SLX4IP: variants seen among roughly 807,000 people sequenced by gnomAD.
SLX4IP encodes protein SLX4IP.
Under a neutral mutation model 32.9 loss-of-function variants are expected in SLX4IP, and 34 were observed. The ratio of observed to expected loss-of-function variants is 1.03; its 90% CI spans 0.79 to 1.38. SLX4IP has a LOEUF of 1.38. Among genes scored for constraint, SLX4IP ranks in the 40% most tolerant of loss-of-function variants. The pLI, the probability that SLX4IP is intolerant of heterozygous loss-of-function variation, is 0.00. For synonymous variants in SLX4IP, 172 were observed against 171.7 expected (o/e 1.00, Z -0.01); for missense variants, 444 against 479.0 (o/e 0.93, Z 0.68).
intron 2 of SLX4IP, among the ~76,000 whole-genome samples, chr20:10,462,477 A>T (rs1275431856): frequency 6.6e-6 from 1 of 152,262 alleles, no homozygotes. Flanking sequence ...CACCCTTCTC[A>T]ACAGCAATAA....
intron 1 of SLX4IP, among the ~76,000 whole-genome samples, chr20:10,457,498 A>G (rs2065295174): frequency 6.7e-6 from 1 of 149,236 alleles, no homozygotes; most frequent in Non-Finnish European, 1.5e-5. Flanking sequence ...CTATTAATAG[A>G]GTGTATTATA....
At chr20:10,615,931 T>G (rs1176984767) in intron 6 of SLX4IP, among the ~76,000 whole-genome samples, 9 of 152,116 alleles carry the variant, frequency 5.9e-5, no homozygotes, top group Non-Finnish European at 1.2e-4. Flanking sequence ...GGTGGAGCCC[T>G]CATGGCCTAA....
chr20:10,490,028 C>G (rs2065608310), intron 2 of SLX4IP, among the ~76,000 whole-genome samples: 1 of 152,062 alleles, frequency 6.6e-6, no homozygotes, highest in Non-Finnish European at 1.5e-5. Flanking sequence ...GTGTTAATAT[C>G]TAATTCTAAG....
In SLX4IP at chr20:10,518,416, C is replaced by T. The variant is rs1459483837; in HGVS notation, c.28-37815C>T. ...CTTTCTTTCTTTCTTTCCTTCCTTC[C>T]TTCCTTCCCTCCCTCCCTCCTTCTT... On this transcript the variant is annotated intron_variant, in intron 2 of 7. Coordinates refer to ENST00000334534, the MANE Select transcript of SLX4IP (RefSeq NM_001009608.3). Among the ~76,000 whole-genome samples, 5 of 114,328 alleles carry T rather than the reference C, an allele frequency of 4.4e-5. No homozygotes were observed. The South Asian group carries it at 1.9e-3, about 43-fold the overall frequency. The allele number at this position is 114,328 out of a possible 152,430, so 75.0% of individuals were successfully genotyped here.
At chr20:10,453,308 G>A (rs73896558) in intron 1 of SLX4IP, among the ~76,000 whole-genome samples, 682 of 46,992 alleles carry the variant, frequency 0.015, 7 homozygotes, top group African/African-American at 0.039. Flanking sequence ...AAACTCATCC[G>A]TGTGTGTGTG....
chr20:10,624,201 C>T lies in SLX4IP; in HGVS notation c.*822C>T, dbSNP rs1156807981. The T allele has an allele frequency of 6.6e-6, 1 of 152,214 alleles. No individual in the cohort carries two copies. Among genetic ancestry groups the T allele is most frequent in the Non-Finnish European group, 1.5e-5 (1 of 68,052 alleles). The allele number at this position is 152,214 out of a possible 1,614,324, so 9.4% of individuals were successfully genotyped here. On this transcript the variant is annotated 3_prime_UTR_variant, in exon 8 of 8. Coordinates refer to ENST00000334534, the MANE Select transcript of SLX4IP (RefSeq NM_001009608.3). Reference sequence around the variant, plus strand: ...TGTTGAAGTCGATGGGCGATTCTGCCCAACCTTAGGAGAAGACATCAGAGA... The same window carrying T: ...TGTTGAAGTCGATGGGCGATTCTGCTCAACCTTAGGAGAAGACATCAGAGA...
intron 4 of SLX4IP, among the ~76,000 whole-genome samples, chr20:10,571,990 A>G (rs1053738721): frequency 2.3e-4 from 35 of 151,622 alleles, no homozygotes; most frequent in Admixed American, 8.6e-4. Context: ...GCCCCACCCC[A>G]CCCCAGGTCT....
At chr20:10,518,367 CT>C (rs773025378) in intron 2 of SLX4IP, among the ~76,000 whole-genome samples, 24,208 of 148,122 alleles carry the variant, frequency 0.16, 3,240 homozygotes, top group Non-Finnish European at 0.22. Flanking sequence ...TTCTTTCTTT[CT>C]CTCTCTCTTT....
intron 2 of SLX4IP, among the ~76,000 whole-genome samples, chr20:10,491,653 CTTATGTG>C (rs2065625156): frequency 6.6e-6 from 1 of 152,052 alleles, no homozygotes; most frequent in Non-Finnish European, 1.5e-5. Flanking sequence ...AATCTTTAAA[CTTATGTG>C]TTATGTAATA....
chr20:10,575,917 G>A (rs2066518430), intron 4 of SLX4IP, among the ~76,000 whole-genome samples: 1 of 152,124 alleles, frequency 6.6e-6, no homozygotes, highest in African/African-American at 2.4e-5. Context: ...AGAGCCCTTT[G>A]ATTTTGAAGT....
chr20:10,441,334 G>T (rs1183777727), intron 1 of SLX4IP, among the ~76,000 whole-genome samples: 1 of 152,146 alleles, frequency 6.6e-6, no homozygotes, highest in African/African-American at 2.4e-5. Flanking sequence ...TACTCGGAAG[G>T]CTGAGGCAGG....
chr20:10,611,516 G>A (rs2066966098), intron 6 of SLX4IP, among the ~76,000 whole-genome samples: 1 of 152,198 alleles, frequency 6.6e-6, no homozygotes, highest in African/African-American at 2.4e-5. Flanking sequence ...GGCAGCCTCA[G>A]GTCCATATCC....
chr20:10,532,676 AGAT>A (rs2065999884), intron 2 of SLX4IP, among the ~76,000 whole-genome samples: 1 of 152,164 alleles, frequency 6.6e-6, no homozygotes, highest in South Asian at 2.1e-4. Context: ...CCCCTCTCCA[AGAT>A]GGGTGCATAT....
intron 2 of SLX4IP, among the ~76,000 whole-genome samples, chr20:10,529,590 C>CAAAAAAAAAAAAAAAAAAAA (rs71334410): frequency 1.9e-5 from 1 of 53,642 alleles, no homozygotes; most frequent in Non-Finnish European, 3.2e-5. Flanking sequence ...GACTCCATCT[C>CAAAAAAAAAAAAAAAAAAAA]AAAAAAAAAA....
At chr20:10,477,150 C>A (rs1469390094) in intron 2 of SLX4IP, among the ~76,000 whole-genome samples, 1 of 150,858 alleles carries the variant, frequency 6.6e-6, no homozygotes, top group African/African-American at 2.4e-5. Flanking sequence ...GATTTCTGAC[C>A]TGACTGTGAA....
chr20:10,458,340 G>A, intron 2 of SLX4IP, 109 bp downstream of exon 2: 2 of 1,132,454 alleles, frequency 1.8e-6, no homozygotes, highest in Non-Finnish European at 2.5e-6. Context: ...TTTTACACTT[G>A]GGACTCTGCA....
In SLX4IP at chr20:10,552,556, C is replaced by T. The variant is rs550387517; in HGVS notation, c.28-3675C>T. On this transcript the variant is annotated intron_variant, in intron 2 of 7. Transcript: ENST00000334534. Reference sequence around the variant, plus strand: ...CAGGCTGCAGAGGGAGAGCCCCCTGCGGGGGAGGGGACTGCCTGCCAAACA... The same window carrying T: ...CAGGCTGCAGAGGGAGAGCCCCCTGTGGGGGAGGGGACTGCCTGCCAAACA... 5.9e-4 allele frequency among the ~76,000 whole-genome samples: 89 copies of T among 152,050 alleles called. No individual in the cohort carries two copies. In the Middle Eastern group the frequency reaches 0.014, roughly 23 times the overall value.
chr20:10,589,694 A>T (rs1015151041), intron 4 of SLX4IP, among the ~76,000 whole-genome samples: 3 of 152,234 alleles, frequency 2.0e-5, no homozygotes, highest in African/African-American at 7.2e-5. Context: ...CAATGTTCAT[A>T]GTACTGAGGT....
chr20:10,472,045 A>G (rs1311408541), intron 2 of SLX4IP, among the ~76,000 whole-genome samples: 1 of 152,170 alleles, frequency 6.6e-6, no homozygotes, highest in Non-Finnish European at 1.5e-5. Flanking sequence ...GAGGAGAGGA[A>G]ATAACTGCCT....
Sources: allele counts gnomAD v4.1 joint callset (sites outside exome capture counted in the v4.1 genomes callset), GRCh38; gene constraint gnomAD v4.1.1; transcripts MANE v1.5; gene names NCBI Gene and HGNC (gene_info 2026-07-23, HGNC 2026-07-21).